Variants in GABRB1 observed in about 807,000 individuals in gnomAD.
The protein encoded by GABRB1 is gamma-aminobutyric acid type A receptor subunit beta1, also known as gamma-aminobutyric acid receptor subunit beta-1.
Under a neutral mutation model 51.6 loss-of-function variants are expected in GABRB1, and 17 were observed. The ratio of observed to expected loss-of-function variants is 0.33; its 90% confidence interval spans 0.23 to 0.49. The LOEUF is 0.49. Among genes scored for constraint, GABRB1 ranks in the 20% least tolerant of loss-of-function variants. GABRB1 has a pLI of 0.99. For synonymous variants in GABRB1, 247 were observed against 218.9 expected (o/e 1.13, Z -1.14); for missense variants, 410 against 600.6 (o/e 0.68, Z 3.32).
chr4:47,059,747 T>G (rs62305285), intron 3 of GABRB1, among the ~76,000 whole-genome samples: 2 of 152,192 alleles, frequency 1.3e-5, no homozygotes, highest in Non-Finnish European at 2.9e-5. Context: ...ACATGAATTT[T>G]ATAGAGCTTA....
In GABRB1 at chr4:47,344,846, C is replaced by T. The variant is rs1195267646; in HGVS notation, c.544+24637C>T. On this transcript the variant is annotated intron_variant, in intron 5 of 8. Transcript: ENST00000295454. ...CAAGCGATTCTCATGCCTCAGCCTC[C>T]CAAGTAGCTGGGACTACAGGTGTGC... Among the ~76,000 whole-genome samples, 3 of 152,144 alleles carry T rather than the reference C, an allele frequency of 2.0e-5. No homozygotes were observed. In the East Asian group the frequency reaches 5.8e-4, roughly 29 times the overall value.
chr4:47,324,556 C>A (rs777532569), intron 5 of GABRB1, among the ~76,000 whole-genome samples: 3 of 152,326 alleles, frequency 2.0e-5, no homozygotes, highest in Non-Finnish European at 2.9e-5. Flanking sequence ...ATTGCCTCAA[C>A]TTCCTTTCAA....
At chr4:47,375,320 C>T (rs755793259) in intron 5 of GABRB1, among the ~76,000 whole-genome samples, 13 of 152,022 alleles carry the variant, frequency 8.6e-5, no homozygotes, top group Admixed American at 6.5e-4. Context: ...AATCCAGTTA[C>T]GAAGTTGTGG....
chr4:47,259,401 T>G (rs1424932706), intron 4 of GABRB1, among the ~76,000 whole-genome samples: 1 of 152,196 alleles, frequency 6.6e-6, no homozygotes, highest in African/African-American at 2.4e-5. Flanking sequence ...AAGTGTTTTC[T>G]GTAGTATCTA....
Position 47,296,016 on chromosome 4 carries a change from T to C in GABRB1, c.462-24111T>C, listed in dbSNP as rs60733071. ...TCATATCCAGCCAAACTAAGCTTCA[T>C]AAGTGAAGGAGAAATAAAATACTTT... is the stretch of plus-strand genomic sequence containing the variant. On this transcript the variant is annotated intron_variant, in intron 4 of 8. Transcript: ENST00000295454. 5.5e-3 allele frequency among the ~76,000 whole-genome samples: 841 copies of C among 152,046 alleles called. 10 individuals carry two copies. The highest frequency in any genetic ancestry group is 0.016 in the African/African-American group (673 of 41,474).
At chr4:47,351,440 G>A (rs6849676) in intron 5 of GABRB1, among the ~76,000 whole-genome samples, 15,130 of 151,954 alleles carry the variant, frequency 0.1, 942 homozygotes, top group African/African-American at 0.17. Flanking sequence ...TTAAGTTTTA[G>A]GGTACATGTG....
intron 5 of GABRB1, among the ~76,000 whole-genome samples, chr4:47,369,150 A>G (rs926395296): frequency 6.6e-5 from 10 of 152,192 alleles, no homozygotes; most frequent in Non-Finnish European, 1.5e-4. Context: ...TTGTATTAAA[A>G]CAAAATTGAC....
chr4:47,274,390 C>T (rs181535198), intron 4 of GABRB1, among the ~76,000 whole-genome samples: 38 of 152,178 alleles, frequency 2.5e-4, no homozygotes, highest in Admixed American at 5.2e-4. Flanking sequence ...ACTTGAGGCC[C>T]GTTATTATTA....
At chr4:47,167,578 G>A (rs1718242712) in intron 4 of GABRB1, among the ~76,000 whole-genome samples, 1 of 152,112 alleles carries the variant, frequency 6.6e-6, no homozygotes, top group Non-Finnish European at 1.5e-5. Flanking sequence ...AGTGGAATGA[G>A]GAATGCTGTG....
intron 4 of GABRB1, among the ~76,000 whole-genome samples, chr4:47,306,944 C>T (rs10023965): frequency 0.56 from 84,993 of 151,938 alleles, 23,977 homozygotes; most frequent in East Asian, 0.7. Context: ...TCTCTACTTA[C>T]GTTTCCTTGT....
chr4:47,364,306 G>A (rs1726904503), intron 5 of GABRB1, among the ~76,000 whole-genome samples: 2 of 152,090 alleles, frequency 1.3e-5, no homozygotes, highest in Admixed American at 1.3e-4. Flanking sequence ...TACTTTATGA[G>A]TATTCTTCAT....
intron 4 of GABRB1, among the ~76,000 whole-genome samples, chr4:47,282,328 CT>C (rs1723321579): frequency 6.6e-6 from 1 of 152,164 alleles, no homozygotes; most frequent in South Asian, 2.1e-4. Flanking sequence ...TCTGTTATAC[CT>C]GTAGTCTTCT....
At chr4:47,357,256 G>A (rs868334175) in intron 5 of GABRB1, among the ~76,000 whole-genome samples, 2 of 152,174 alleles carry the variant, frequency 1.3e-5, no homozygotes, top group African/African-American at 2.4e-5. Context: ...AGTAAGATCT[G>A]GGGAGTTGTT....
At chr4:47,276,991 A>G (rs1723106611) in intron 4 of GABRB1, among the ~76,000 whole-genome samples, 1 of 152,050 alleles carries the variant, frequency 6.6e-6, no homozygotes, top group Admixed American at 6.6e-5. Context: ...CCCAAAATAA[A>G]ACATAGGTAG....
chr4:47,148,961 G>A (rs1357542472), intron 3 of GABRB1, among the ~76,000 whole-genome samples: 3 of 151,972 alleles, frequency 2.0e-5, no homozygotes, highest in Admixed American at 6.6e-5. Flanking sequence ...TGCGGCACAT[G>A]CTTAAACCAT....
In GABRB1 at chr4:47,350,218, T is replaced by TATATATATATAGAG. The variant is rs750199965; in HGVS notation, c.544+30010_544+30011insTATATATATAGAGA. On this transcript the variant is annotated intron_variant, in intron 5 of 8. Transcript: ENST00000295454. ...ATATATATATATATATATATATATA[T>TATATATATATAGAG]AGAGAGAGAGAGAGAGAGAGAGAGA... Among the ~76,000 whole-genome samples the TATATATATATAGAG allele has an allele frequency of 1.9e-4, 11 of 56,650 alleles. No individual in the cohort carries two copies. In the East Asian group the frequency reaches 2.7e-3, roughly 14 times the overall value. The allele number at this position is 56,650 out of a possible 152,430, so 37.2% of individuals were successfully genotyped here. A position where few individuals can be genotyped will look rare whatever the true frequency, so the allele number is the denominator to read the frequency against.
At chr4:47,105,931 T>A (rs1220860503) in intron 3 of GABRB1, among the ~76,000 whole-genome samples, 5 of 152,022 alleles carry the variant, frequency 3.3e-5, no homozygotes, top group Admixed American at 6.6e-5. Flanking sequence ...TGAAAAAAAA[T>A]TTTAACTGGC....
chr4:47,236,014 GC>G (rs1721319604), intron 4 of GABRB1, among the ~76,000 whole-genome samples: 1 of 151,654 alleles, frequency 6.6e-6, no homozygotes, highest in African/African-American at 2.4e-5. Context: ...TTCTTATAAT[GC>G]TTTTTTTAAA....
At chr4:47,200,312 A>C (rs1390895539) in intron 4 of GABRB1, among the ~76,000 whole-genome samples, 1 of 152,084 alleles carries the variant, frequency 6.6e-6, no homozygotes, top group African/African-American at 2.4e-5. Flanking sequence ...CAAGAGCATG[A>C]CCCTAGCTGT....
Sources: allele counts gnomAD v4.1 joint callset (sites outside exome capture counted in the v4.1 genomes callset), GRCh38; gene constraint gnomAD v4.1.1; transcripts MANE v1.5; gene names NCBI Gene and HGNC (gene_info 2026-07-23, HGNC 2026-07-21).